TRPM2: variants seen among roughly 807,000 people sequenced by gnomAD.
The protein encoded by TRPM2 is transient receptor potential cation channel subfamily M member 2.
A neutral mutation model predicts 174.0 loss-of-function variants in TRPM2; 161 were observed. That is an observed-to-expected ratio of 0.93 (90% CI 0.81 to 1.05). TRPM2 has a LOEUF of 1.05. Among genes scored for constraint, TRPM2 ranks in the 50% least tolerant of loss-of-function variants. The pLI is 0.00. For missense variants in TRPM2, 2,057 were observed against 2,038.0 expected, an observed-to-expected ratio of 1.01 and a Z score of -0.18; for synonymous variants, 954 against 861.3, an observed-to-expected ratio of 1.11 and a Z score of -1.88.
upstream of TRPM2, among the ~76,000 whole-genome samples, chr21:44,351,176 C>T (rs2122996695): frequency 2.0e-5 from 3 of 152,220 alleles, no homozygotes; most frequent in Non-Finnish European, 4.4e-5. Flanking sequence ...GGTGGGCACA[C>T]CAGGATCCTC....
rs1323574586 is a variant in TRPM2, at chr21:44,427,093, T to C, written c.3956T>C (p.Val1319Ala). Residue 1319 changes from valine (V) to alanine (A), a missense_variant, in exon 27 of 32, where the codon GTG becomes GCG. Coordinates refer to ENST00000397928, the MANE Select transcript of TRPM2 (RefSeq NM_003307.4). ...CGGAGCTTCCACGGGCCGTACACAG[T>C]GCAGGCCGGGTTGCCCCTGTGAGTG... ...DRRSFHGPYT[V>A]QAGLPLNPMG... The C allele has an allele frequency of 5.0e-6, 8 of 1,599,158 alleles. No homozygotes were observed. Among genetic ancestry groups the C allele is most frequent in the Non-Finnish European group, 6.8e-6 (8 of 1,173,516 alleles).
rs909663730 is a variant in TRPM2 at position 44,398,014 on chromosome 21, C to T, written c.2062+138C>T. ...CCTGGGCCTCAGCCCTGCACGCTTA[C>T]CCTGGGGTCCTCATCCCGGAGTCTC... is the stretch of plus-strand genomic sequence containing the variant. On this transcript the variant is annotated intron_variant, in intron 13 of 31. Coordinates refer to ENST00000397928, the MANE Select transcript of TRPM2 (RefSeq NM_003307.4). The T allele has an allele frequency of 6.4e-6, 7 of 1,098,786 alleles. No individual in the cohort carries two copies. The African/African-American group carries it at 1.1e-4, about 18-fold the overall frequency. 68.1% of individuals were successfully genotyped at this position (1,098,786 alleles called of 1,614,324 possible). A position where few individuals can be genotyped will look rare whatever the true frequency, so the allele number is the denominator to read the frequency against.
At chr21:44,428,435 TCCTCCC>T (rs2050888160) in intron 27 of TRPM2, among the ~76,000 whole-genome samples, 1 of 124,282 alleles carries the variant, frequency 8.0e-6, no homozygotes, top group African/African-American at 3.6e-5. Context: ...TAGGTGTGGC[TCCTCCC>T]CTTAGGTCTG....
intron 20 of TRPM2, among the ~76,000 whole-genome samples, 162 bp from the exon 21 acceptor site, chr21:44,417,765 A>G (rs1054588762): frequency 1.4e-5 from 2 of 145,364 alleles, no homozygotes; most frequent in African/African-American, 5.2e-5. Context: ...CTGTGACATC[A>G]CAGTGGGCAT....
Position 44,418,011 on chromosome 21 carries a change from C to T in TRPM2, c.3231C>T (p.Arg1077=), listed in dbSNP as rs771393133. 5 of 1,612,920 alleles carry T rather than the reference C, an allele frequency of 3.1e-6. No individual in the cohort carries two copies. The highest frequency in any genetic ancestry group is 3.4e-6 in the Non-Finnish European group (4 of 1,179,974). The change falls in exon 21 of 32, where the codon CGC becomes CGT. Residue 1077 remains arginine, a synonymous_variant. Coordinates refer to ENST00000397928, the MANE Select transcript of TRPM2 (RefSeq NM_003307.4). The stretch of plus-strand genomic sequence containing the variant: ...ACCTGATCGAGGAGTACCACGGCCG[C>T]CCCGCCGCGCCGCCCCCCTTCATCC... ...RHDLIEEYHG[R]PAAPPPFILL...
At chr21:44,388,734 T>C (rs2049085676) in intron 9 of TRPM2, among the ~76,000 whole-genome samples, 1 of 151,762 alleles carries the variant, frequency 6.6e-6, no homozygotes, top group African/African-American at 2.4e-5. Context: ...GGTGGGAGGA[T>C]TGCTTGAGCC....
At position 44,353,917 on chromosome 21, in the gene TRPM2, C is replaced by T. The variant is rs558048682; in HGVS notation, c.165+52C>T. ...GTTGGCACGTGGCCACGGAGGTCAC[C>T]GTTGGGCAGGTCATAGCTTGAGGCT... On this transcript the variant is annotated intron_variant, in intron 1 of 31. Coordinates refer to ENST00000397928, the MANE Select transcript of TRPM2 (RefSeq NM_003307.4). 1.8e-5 allele frequency: 28 copies of T among 1,569,670 alleles called. No homozygotes were observed. In the Admixed American group the frequency reaches 2.6e-4, roughly 14 times the overall value.
chr21:44,424,791 G>C, intron 23 of TRPM2, 61 bp from the exon 24 acceptor site: 3 of 1,139,822 alleles, frequency 2.6e-6, no homozygotes, highest in Non-Finnish European at 2.4e-6. Context: ...GGTGGGCAGT[G>C]GGGTGTGTAC....
intron 16 of TRPM2, among the ~76,000 whole-genome samples, chr21:44,403,780 C>T (rs1333763945): frequency 6.6e-6 from 1 of 151,248 alleles, no homozygotes; most frequent in Non-Finnish European, 1.5e-5. Context: ...TACATGCATG[C>T]ACACATACAA....
rs962086478 is a variant in TRPM2 at position 44,438,153 on chromosome 21, G to A, written c.4168-914G>A. On this transcript the variant is annotated intron_variant, in intron 29 of 31. Coordinates refer to ENST00000397928, the MANE Select transcript of TRPM2 (RefSeq NM_003307.4). The surrounding 1 kb of genome is among the most constrained non-coding windows in gnomAD (Gnocchi z 5.9). ...CTGGGTCCCAGTGCTTTGGGGGCCT[G>A]TCTCCACAGCTGGAACCACCCCCGC... Among the ~76,000 whole-genome samples, 1 of 152,244 alleles carries A rather than the reference G, an allele frequency of 6.6e-6. No individual in the cohort carries two copies. Among genetic ancestry groups the A allele is most frequent in the African/African-American group, 2.4e-5 (1 of 41,464 alleles).
At chr21:44,418,147 A>C (rs1422988312) in intron 21 of TRPM2, 39 bp downstream of exon 21, 1 of 1,583,106 alleles carries the variant, frequency 6.3e-7, no homozygotes, top group Non-Finnish European at 8.6e-7. Context: ...TGTCCTGGCC[A>C]CCCGGGTGCA....
intron 9 of TRPM2, among the ~76,000 whole-genome samples, chr21:44,389,035 C>T (rs572831275): frequency 6.6e-6 from 1 of 152,298 alleles, no homozygotes; most frequent in South Asian, 2.1e-4. Context: ...CCATACAGGA[C>T]ATCTCCCCTA....
rs147473227 is a variant in TRPM2, at chr21:44,355,008, C to T, written c.254+272C>T. Among the ~76,000 whole-genome samples the T allele has an allele frequency of 2.7e-4, 41 of 152,348 alleles. 1 individual carries two copies. In the South Asian group the frequency reaches 6.0e-3, roughly 22 times the overall value. On this transcript the variant is annotated intron_variant, in intron 2 of 31. Coordinates refer to ENST00000397928, the MANE Select transcript of TRPM2 (RefSeq NM_003307.4). The stretch of plus-strand genomic sequence containing the variant: ...TCAGGGTCATAAGGGCACTGTCGCG[C>T]GGCGAGGCCCAGTGGTGTGAACACA...
intron 6 of TRPM2, among the ~76,000 whole-genome samples, chr21:44,377,505 C>T (rs1352122465): frequency 6.6e-6 from 1 of 152,244 alleles, no homozygotes; most frequent in Non-Finnish European, 1.5e-5. Context: ...AACGGCGACT[C>T]AGCACTGGCA....
At position 44,382,542 on chromosome 21, in the gene TRPM2, C is replaced by T. The variant is rs1205933378; in HGVS notation, c.1216-176C>T. On this transcript the variant is annotated intron_variant, in intron 8 of 31. Transcript: ENST00000397928. ...TCTCACGAACATGATGTATTTGGTC[C>T]CCATGGATCTTCATCTGCACCATCT... Among the ~76,000 whole-genome samples the T allele has an allele frequency of 4.6e-5, 7 of 152,182 alleles. No individual in the cohort carries two copies. The East Asian group carries it at 1.4e-3, about 29-fold the overall frequency.
chr21:44,353,360 G>C (rs1043426498), upstream of TRPM2: 1 of 198,216 alleles, frequency 5.0e-6, no homozygotes, highest in Non-Finnish European at 1.0e-5. Context: ...GGGGGAGGGA[G>C]CTCTTTCTCT....
intron 22 of TRPM2, chr21:44,422,167 C>T (rs1479435327): frequency 7.4e-7 from 1 of 1,358,516 alleles, no homozygotes; most frequent in East Asian, 2.5e-5. Flanking sequence ...ACCGTCCCCT[C>T]CTCCAGTGAA....
chr21:44,406,481 C>A, intron 18 of TRPM2, 113 bp from the exon 19 acceptor site: 2 of 1,303,658 alleles, frequency 1.5e-6, no homozygotes, highest in Non-Finnish European at 2.1e-6. Context: ...CTCCTGCATG[C>A]CGTGTCTGTG....
At chr21:44,423,388 C>G in intron 22 of TRPM2, 1 of 491,950 alleles carries the variant, frequency 2.0e-6, no homozygotes, top group Non-Finnish European at 3.7e-6. Flanking sequence ...CCCCCTCTCT[C>G]CTGGGACCGA....
Sources: allele counts gnomAD v4.1 joint callset (sites outside exome capture counted in the v4.1 genomes callset), GRCh38; gene constraint gnomAD v4.1.1; non-coding constraint Gnocchi (gnomAD v3.1); transcripts MANE v1.5; gene names NCBI Gene and HGNC (gene_info 2026-07-23, HGNC 2026-07-21).